Variants in PCDHGA3 observed in about 807,000 individuals in gnomAD.
The protein encoded by PCDHGA3 is protocadherin gamma-A3.
PCDHGA3 carries 40 observed loss-of-function variants against 58.5 expected under a neutral mutation model. The observed-to-expected ratio is 0.68, with a 90% CI of 0.53 to 0.89. The LOEUF (loss-of-function observed/expected upper bound fraction) is 0.89, where lower values mean the gene tolerates loss of function less well. Ranked by LOEUF, PCDHGA3 falls within the 40% of genes least tolerant of loss-of-function variation. The probability of loss-of-function intolerance (pLI) is 0.00; values close to 1 mark genes in which losing one functional copy is unlikely to be tolerated. For synonymous variants in PCDHGA3, 530 were observed against 525.7 expected (o/e 1.01, Z -0.11); for missense variants, 1,223 against 1,195.9 (o/e 1.02, Z -0.33).
intron 2 of PCDHGA3, among the ~76,000 whole-genome samples, chr5:141,502,296 G>A (rs758304596): frequency 7.9e-5 from 12 of 151,130 alleles, no homozygotes; most frequent in Non-Finnish European, 1.2e-4. Context: ...TGGTTGTCAC[G>A]TCTTTCCTCT....
At chr5:141,423,982 T>C in intron 1 of PCDHGA3, 3 of 1,106,134 alleles carry the variant, frequency 2.7e-6, no homozygotes, top group Non-Finnish European at 3.4e-6. Flanking sequence ...TGTATGAGGC[T>C]CTCAATTTAT....
chr5:141,356,073 A>G, intron 1 of PCDHGA3: 1 of 1,613,872 alleles, frequency 6.2e-7, no homozygotes, highest in Non-Finnish European at 8.5e-7. Context: ...TATCACAGCT[A>G]TTTCAGTTGA....
chr5:141,368,520 A>G (rs886509819), intron 1 of PCDHGA3, among the ~76,000 whole-genome samples: 7 of 152,168 alleles, frequency 4.6e-5, no homozygotes, highest in Admixed American at 6.5e-5. Flanking sequence ...ATTCACTCCT[A>G]TGTGAAAACT....
At position 141,454,320 on chromosome 5, in the gene PCDHGA3, C is replaced by T. The variant is rs140074578; in HGVS notation, c.2425-40487C>T. ...CAGATATTTCAAAGCATTGAAACCTCCAAGAATAAATAAAATGTTGGAAGT... is the reference window on the plus strand; with the variant it reads ...CAGATATTTCAAAGCATTGAAACCTTCAAGAATAAATAAAATGTTGGAAGT... On this transcript the variant is annotated intron_variant, in intron 1 of 3. Coordinates refer to ENST00000253812, the MANE Select transcript of PCDHGA3 (RefSeq NM_018916.4). Among the ~76,000 whole-genome samples, 592 of 152,266 alleles carry T rather than the reference C, an allele frequency of 3.9e-3. 6 individuals are homozygous for T. Among genetic ancestry groups the T allele is most frequent in the Admixed American group, 0.011 (171 of 15,288 alleles).
rs189385307 is a variant in PCDHGA3 at position 141,344,387 on chromosome 5, A to G, written c.354A>G (p.Glu118=). The change falls in exon 1 of 4, where the codon GAA becomes GAG. Residue 118 remains glutamate, a synonymous_variant. Transcript: ENST00000253812. Reference sequence around the variant, plus strand: ...TTGAGGATAAATTGAAAATTTTTGAAGTAGAAATAGAAATTAAAGATATTA... The same window carrying G: ...TTGAGGATAAATTGAAAATTTTTGAGGTAGAAATAGAAATTAAAGATATTA... The part of the protein sequence containing the change: ...ILVEDKLKIF[E]VEIEIKDIND... 1.2e-6 allele frequency: 2 copies of G among 1,612,396 alleles called. No individual in the cohort carries two copies. The highest frequency in any genetic ancestry group is 2.2e-5 in the East Asian group (1 of 44,872).
intron 2 of PCDHGA3, among the ~76,000 whole-genome samples, chr5:141,499,083 C>G (rs2099789346): frequency 6.6e-6 from 1 of 152,082 alleles, no homozygotes; most frequent in African/African-American, 2.4e-5. Flanking sequence ...GAAGTTCCTG[C>G]TTGGCACATG....
intron 3 of PCDHGA3, 48 bp downstream of exon 3, chr5:141,505,529 T>C (rs1479433990): frequency 1.9e-6 from 3 of 1,612,066 alleles, no homozygotes; most frequent in Non-Finnish European, 2.5e-6. Context: ...CCTGGGGTTC[T>C]GGGGTGCATC....
At chr5:141,357,757 G>T in intron 1 of PCDHGA3, 3 of 1,061,912 alleles carry the variant, frequency 2.8e-6, no homozygotes, top group Non-Finnish European at 4.0e-6. Flanking sequence ...AAAACTGGTG[G>T]ATGACCTTCC....
Position 141,485,932 on chromosome 5 carries a change from G to A in PCDHGA3, c.2425-8875G>A. ...CCAGCTACAGGATTAGTGTGTTGGA[G>A]AGCGCACCAGCGGGCATGGTGCTCA... On this transcript the variant is annotated intron_variant, in intron 1 of 3. Transcript: ENST00000253812. The surrounding 1 kb of genome is among the most constrained non-coding windows in gnomAD (Gnocchi z 5.7). The A allele has an allele frequency of 6.2e-7, 1 of 1,614,184 alleles. No homozygotes were observed. The highest frequency in any genetic ancestry group is 8.5e-7 in the Non-Finnish European group (1 of 1,180,042).
At chr5:141,427,992 T>C in intron 1 of PCDHGA3, 1 of 1,599,002 alleles carries the variant, frequency 6.3e-7, no homozygotes, top group Non-Finnish European at 8.6e-7. Context: ...GCCCGATGGC[T>C]CCGCACTCTT....
intron 1 of PCDHGA3, among the ~76,000 whole-genome samples, chr5:141,435,840 T>G (rs1408413470): frequency 6.6e-6 from 1 of 152,118 alleles, no homozygotes; most frequent in Non-Finnish European, 1.5e-5. Context: ...CCTATCTACT[T>G]TGAAAGATAC....
intron 1 of PCDHGA3, chr5:141,409,628 G>A (rs367728235): frequency 1.2e-6 from 2 of 1,613,730 alleles, no homozygotes; most frequent in Non-Finnish European, 1.7e-6. Context: ...GCAAGTGAGC[G>A]CCTCTGACCC....
Position 141,431,103 on chromosome 5 carries a change from A to C in PCDHGA3, c.2425-63704A>C, listed in dbSNP as rs769542343. On this transcript the variant is annotated intron_variant, in intron 1 of 3. Coordinates refer to ENST00000253812, the MANE Select transcript of PCDHGA3 (RefSeq NM_018916.4). This position sits in a 1 kb window ranked among gnomAD's most constrained non-coding sequence, Gnocchi z 4.8. ...GACATTCTGATGGAGGATAAAGTGA[A>C]AATATATGGAGTAGAAGTAGAAGTA... 6.2e-7 allele frequency: 1 copy of C among 1,614,246 alleles called. No individual in the cohort carries two copies.
At chr5:141,495,652 T>C (rs1403816239) in intron 2 of PCDHGA3, among the ~76,000 whole-genome samples, 2 of 152,336 alleles carry the variant, frequency 1.3e-5, no homozygotes, top group Admixed American at 6.5e-5. Context: ...CTACTTGCAT[T>C]GATCTGTGCC....
chr5:141,362,588 GT>G (rs1561527574), intron 1 of PCDHGA3: 1 of 1,592,210 alleles, frequency 6.3e-7, no homozygotes, highest in African/African-American at 1.4e-5. Flanking sequence ...TTCACTTCTG[GT>G]TTTATTGTTT....
At chr5:141,424,245 A>T (rs1196753393) in intron 1 of PCDHGA3, 3 of 155,310 alleles carry the variant, frequency 1.9e-5, no homozygotes, top group African/African-American at 7.2e-5. Context: ...GGTGGCTGGT[A>T]ATATGCTTAG....
At chr5:141,410,847 G>GTTTT (rs773839667) in intron 1 of PCDHGA3, 2 of 158,344 alleles carry the variant, frequency 1.3e-5, no homozygotes, top group African/African-American at 1.7e-4. Context: ...TTTTGTCTTT[G>GTTTT]TCTTTTTTTT....
At chr5:141,352,261 AT>A in intron 1 of PCDHGA3, 3 of 1,614,060 alleles carry the variant, frequency 1.9e-6, no homozygotes, top group Non-Finnish European at 2.5e-6. Flanking sequence ...TGCAAGAGGT[AT>A]TGCCAGACCT....
At chr5:141,418,189 G>A in intron 1 of PCDHGA3, 1 of 1,614,046 alleles carries the variant, frequency 6.2e-7, no homozygotes, top group Admixed American at 1.7e-5. Flanking sequence ...AAGCTGTGGT[G>A]GAAAATCCTT....
Sources: gnomAD v4.1 joint callset for allele counts (sites outside exome capture counted in the v4.1 genomes callset) on GRCh38, gnomAD v4.1.1 for gene constraint, Gnocchi (gnomAD v3.1) non-coding constraint, MANE v1.5 for transcripts, NCBI Gene and HGNC (gene_info 2026-07-23, HGNC 2026-07-21) for gene names.